UGGT2: variants seen among roughly 807,000 people sequenced by gnomAD.
UGGT2 encodes UDP-glucose:glycoprotein glucosyltransferase 2.
Under a neutral mutation model 192.1 loss-of-function variants are expected in UGGT2, and 180 were observed. The ratio of observed to expected loss-of-function variants is 0.94; its 90% confidence interval spans 0.83 to 1.06. The LOEUF is 1.06. UGGT2 is among the 50% of genes least tolerant of loss of function. The pLI, the probability that UGGT2 is intolerant of heterozygous loss-of-function variation, is 0.00. For missense variants in UGGT2, 1,849 were observed against 1,795.7 expected, an observed-to-expected ratio of 1.03 and a Z score of -0.54; for synonymous variants, 580 against 591.0, an observed-to-expected ratio of 0.98 and a Z score of 0.27.
At chr13:95,969,741 G>A (rs140282989) in intron 12 of UGGT2, among the ~76,000 whole-genome samples, 3 of 152,294 alleles carry the variant, frequency 2.0e-5, no homozygotes, top group Non-Finnish European at 4.4e-5. Flanking sequence ...AGAACCTTTG[G>A]AGGCCGCTGC....
At chr13:95,961,840 C>A (rs986858567) in intron 12 of UGGT2, among the ~76,000 whole-genome samples, 2 of 152,078 alleles carry the variant, frequency 1.3e-5, no homozygotes, top group African/African-American at 2.4e-5. Context: ...TGTTGGGACA[C>A]AAAAACAAGT....
In UGGT2 at chr13:95,895,161, T is replaced by C; in HGVS notation, c.2759+19A>G. 3 of 1,562,480 alleles carry C rather than the reference T, an allele frequency of 1.9e-6. No homozygotes were observed. The highest frequency in any genetic ancestry group is 1.7e-4 in the Middle Eastern group (1 of 5,916). ...ATACCAAACCCAAAATGAATTGCTC[T>C]TAGAACTTATATACTCACTTATTTG... On this transcript the variant is annotated intron_variant, in intron 23 of 38. Coordinates refer to ENST00000376747, the MANE Select transcript of UGGT2 (RefSeq NM_020121.4).
chr13:96,000,855 C>A (rs1480574870), intron 5 of UGGT2, among the ~76,000 whole-genome samples: 2 of 132,638 alleles, frequency 1.5e-5, no homozygotes, highest in Non-Finnish European at 3.4e-5. Context: ...ACTACCAAAT[C>A]AACAGGTTAA....
chr13:95,882,112 G>A (rs964362374), intron 27 of UGGT2, among the ~76,000 whole-genome samples: 2 of 152,014 alleles, frequency 1.3e-5, no homozygotes, highest in Non-Finnish European at 2.9e-5. Context: ...GTTTCACCAT[G>A]TTGGTCAGGC....
intron 13 of UGGT2, 135 bp from the exon 14 acceptor site, chr13:95,948,216 A>AACAC: frequency 2.6e-6 from 1 of 391,938 alleles, no homozygotes; most frequent in Non-Finnish European, 4.7e-6. Context: ...AATTCTAAGG[A>AACAC]ATACACACAC....
chr13:96,014,169 A>G (rs537148151), intron 4 of UGGT2, among the ~76,000 whole-genome samples: 2 of 152,226 alleles, frequency 1.3e-5, no homozygotes, highest in East Asian at 1.9e-4. Context: ...TCCAAAGCCC[A>G]TATGTTTTGG....
At chr13:96,017,259 GAGA>G (rs1566828740) in intron 4 of UGGT2, among the ~76,000 whole-genome samples, 2 of 152,184 alleles carry the variant, frequency 1.3e-5, no homozygotes, top group Non-Finnish European at 2.9e-5. Flanking sequence ...TTTGCAATGT[GAGA>G]AGGACATGAG....
At chr13:95,935,229 A>G (rs1847791954) in intron 17 of UGGT2, among the ~76,000 whole-genome samples, 2 of 152,108 alleles carry the variant, frequency 1.3e-5, no homozygotes, top group Admixed American at 1.3e-4. Flanking sequence ...TTTTGATCCT[A>G]TGTGAAGTTC....
At chr13:95,917,560 C>G (rs894714675) in intron 20 of UGGT2, among the ~76,000 whole-genome samples, 1 of 152,072 alleles carries the variant, frequency 6.6e-6, no homozygotes, top group Non-Finnish European at 1.5e-5. Flanking sequence ...TCACACATAA[C>G]AATACTAACC....
chr13:95,961,284 CTT>C (rs1473004331), intron 12 of UGGT2, among the ~76,000 whole-genome samples: 1 of 152,062 alleles, frequency 6.6e-6, no homozygotes, highest in East Asian at 1.9e-4. Context: ...ATGAATTAAA[CTT>C]TACACTTAGA....
At chr13:95,920,174 T>C (rs1035616169) in intron 20 of UGGT2, among the ~76,000 whole-genome samples, 1 of 152,094 alleles carries the variant, frequency 6.6e-6, no homozygotes, top group South Asian at 2.1e-4. Flanking sequence ...ACTGGACCCC[T>C]TCCTTATACA....
rs561985140 is a variant in UGGT2 at position 95,930,972 on chromosome 13, T to C, written c.1978-3636A>G. Among the ~76,000 whole-genome samples, 83 of 152,176 alleles carry C rather than the reference T, an allele frequency of 5.5e-4. 2 individuals carry two copies. Among genetic ancestry groups the C allele is most frequent in the Admixed American group, 4.8e-3 (73 of 15,290 alleles). ...ACTGCAAAGAGCAAAAGAACAAACCTCCCACAGCATGGAAAGGGACCCAAG... is the reference window on the plus strand; with the variant it reads ...ACTGCAAAGAGCAAAAGAACAAACCCCCCACAGCATGGAAAGGGACCCAAG... On this transcript the variant is annotated intron_variant, in intron 17 of 38. Coordinates refer to ENST00000376747, the MANE Select transcript of UGGT2 (RefSeq NM_020121.4).
intron 2 of UGGT2, among the ~76,000 whole-genome samples, chr13:96,027,683 G>A (rs2052710945): frequency 1.3e-5 from 2 of 152,118 alleles, no homozygotes; most frequent in South Asian, 2.1e-4. Context: ...GGGGGTGGTT[G>A]GAGACTGGGT....
At chr13:95,887,518 A>T in intron 26 of UGGT2, 1 of 307,668 alleles carries the variant, frequency 3.3e-6, no homozygotes, top group Non-Finnish European at 6.4e-6. Flanking sequence ...ATGCCCCCAA[A>T]TAGTAAATGT....
chr13:96,046,656 G>A (rs568857276), intron 1 of UGGT2, among the ~76,000 whole-genome samples: 15 of 152,312 alleles, frequency 9.8e-5, no homozygotes, highest in African/African-American at 2.4e-4. Context: ...AGTGTGAGCC[G>A]AAGCGGGGCA....
At chr13:95,942,390 G>A (rs1400072902) in intron 15 of UGGT2, among the ~76,000 whole-genome samples, 1 of 151,980 alleles carries the variant, frequency 6.6e-6, no homozygotes, top group African/African-American at 2.4e-5. Flanking sequence ...AAATGTAAAG[G>A]CATTCCATTG....
At chr13:96,017,496 T>C (rs1452928044) in intron 4 of UGGT2, among the ~76,000 whole-genome samples, 3 of 152,160 alleles carry the variant, frequency 2.0e-5, no homozygotes, top group Admixed American at 2.0e-4. Context: ...TGCAGAACCA[T>C]AAACCAACTA....
intron 15 of UGGT2, among the ~76,000 whole-genome samples, chr13:95,945,364 C>CTCCT (rs2049829566): frequency 6.6e-6 from 1 of 151,994 alleles, no homozygotes; most frequent in Non-Finnish European, 1.5e-5. Flanking sequence ...CAAATTATTT[C>CTCCT]TCCTTCTCCC....
In UGGT2 at chr13:96,014,708, G is replaced by T. The variant is rs145022931; in HGVS notation, c.486-1227C>A. ...GAATTTGCTGTCTTTCTTCATGAGA[G>T]GCTATTAATAAATGCTAAAAGGATA... On this transcript the variant is annotated intron_variant, in intron 4 of 38. Transcript: ENST00000376747. 3.3e-3 allele frequency among the ~76,000 whole-genome samples: 507 copies of T among 152,166 alleles called. 3 individuals carry two copies. Among genetic ancestry groups the T allele is most frequent in the African/African-American group, 0.012 (482 of 41,528 alleles).
Sources: gnomAD v4.1 joint callset for allele counts (sites outside exome capture counted in the v4.1 genomes callset) on GRCh38, gnomAD v4.1.1 for gene constraint, MANE v1.5 for transcripts, NCBI Gene and HGNC (gene_info 2026-07-23, HGNC 2026-07-21) for gene names.